Variants in TTC28 observed in about 807,000 individuals in gnomAD.
TTC28 encodes tetratricopeptide repeat protein 28.
TTC28 carries 61 observed loss-of-function variants against 198.0 expected under a neutral mutation model. The observed-to-expected ratio is 0.31, with a 90% CI of 0.25 to 0.38. TTC28 has a LOEUF of 0.38. Ranked by LOEUF, TTC28 falls within the 10% of genes least tolerant of loss-of-function variation. TTC28 has a pLI of 1.00. For missense variants in TTC28, 2,678 were observed against 3,164.0 expected (o/e 0.85, Z 3.69); for synonymous variants, 1,171 against 1,297.8 (o/e 0.90, Z 2.10).
chr22:28,574,245 C>G (rs2050109481), intron 2 of TTC28, among the ~76,000 whole-genome samples: 1 of 152,176 alleles, frequency 6.6e-6, no homozygotes, highest in South Asian at 2.1e-4. Context: ...CTCCTTGGCT[C>G]AAGTGATCCA....
intron 2 of TTC28, among the ~76,000 whole-genome samples, chr22:28,399,327 T>G (rs1243884274): frequency 1.3e-5 from 2 of 151,068 alleles, no homozygotes; most frequent in Non-Finnish European, 3.0e-5. Flanking sequence ...GTTTTTTTTT[T>G]TTTTTTTTTG....
intron 21 of TTC28, among the ~76,000 whole-genome samples, chr22:27,988,301 T>TC (rs978667679): frequency 6.6e-6 from 1 of 150,950 alleles, no homozygotes; most frequent in Non-Finnish European, 1.5e-5. Flanking sequence ...TTTTTTTTTT[T>TC]TGAGACAGAG....
chr22:28,087,563 T>C lies in TTC28; in HGVS notation c.3932+6517A>G, dbSNP rs1276423959. 5.3e-5 allele frequency among the ~76,000 whole-genome samples: 8 copies of C among 152,286 alleles called. No homozygotes were observed. The East Asian group carries it at 9.6e-4, about 18-fold the overall frequency. Reference sequence around the variant, plus strand: ...AACCCACAGCCAATATCATACTGAATGGCCAAAAACTGGAAGCATTCCCTT... The same window carrying C: ...AACCCACAGCCAATATCATACTGAACGGCCAAAAACTGGAAGCATTCCCTT... On this transcript the variant is annotated intron_variant, in intron 12 of 22. Coordinates refer to ENST00000397906, the MANE Select transcript of TTC28 (RefSeq NM_001145418.2).
chr22:28,290,942 C>T (rs1241029615), intron 5 of TTC28, among the ~76,000 whole-genome samples: 1 of 151,948 alleles, frequency 6.6e-6, no homozygotes, highest in African/African-American at 2.4e-5. Flanking sequence ...GAAAAAATAT[C>T]TCATTTCCAA....
At chr22:28,575,987 T>G (rs1286869996) in intron 2 of TTC28, among the ~76,000 whole-genome samples, 1 of 152,150 alleles carries the variant, frequency 6.6e-6, no homozygotes, top group African/African-American at 2.4e-5. Flanking sequence ...TGGATGCTTT[T>G]TATTTCTTTC....
chr22:28,556,311 A>G (rs1264463070), intron 2 of TTC28, among the ~76,000 whole-genome samples: 1 of 152,122 alleles, frequency 6.6e-6, no homozygotes, highest in Non-Finnish European at 1.5e-5. Context: ...GTGAGCCAAG[A>G]TCGCACCACT....
chr22:28,592,056 G>C (rs2050443930), intron 2 of TTC28, among the ~76,000 whole-genome samples: 1 of 152,146 alleles, frequency 6.6e-6, no homozygotes, highest in African/African-American at 2.4e-5. Context: ...CCTAGGTGGA[G>C]CAGAGGCAAG....
intron 6 of TTC28, among the ~76,000 whole-genome samples, chr22:28,116,962 T>C (rs550022342): frequency 3.9e-5 from 6 of 152,342 alleles, no homozygotes; most frequent in African/African-American, 1.4e-4. Context: ...TTGGATTACC[T>C]TTCTTGCTCA....
intron 2 of TTC28, among the ~76,000 whole-genome samples, chr22:28,470,525 A>C (rs918374742): frequency 1.3e-5 from 2 of 152,208 alleles, no homozygotes; most frequent in African/African-American, 4.8e-5. Flanking sequence ...CAGTGCCCCA[A>C]ATTTCTACCA....
intron 9 of TTC28, among the ~76,000 whole-genome samples, chr22:28,099,420 C>T (rs1035407365): frequency 2.0e-5 from 3 of 152,176 alleles, no homozygotes; most frequent in African/African-American, 7.2e-5. Context: ...GTGCCCACAG[C>T]TCGTGCCTGG....
chr22:28,028,137 C>G (rs964053984), intron 13 of TTC28, among the ~76,000 whole-genome samples: 1 of 152,286 alleles, frequency 6.6e-6, no homozygotes, highest in South Asian at 2.1e-4. Flanking sequence ...TCCAAAGGGT[C>G]GGGGTTGGAA....
chr22:28,439,399 G>A (rs552897844), intron 2 of TTC28, among the ~76,000 whole-genome samples: 5 of 152,256 alleles, frequency 3.3e-5, no homozygotes, highest in South Asian at 2.1e-4. Flanking sequence ...TAGAAGTGAC[G>A]GAGCAAAGCT....
chr22:28,433,280 T>C (rs1471721163), intron 2 of TTC28, among the ~76,000 whole-genome samples: 1 of 152,194 alleles, frequency 6.6e-6, no homozygotes, highest in East Asian at 1.9e-4. Flanking sequence ...TTTATTCTTT[T>C]GAGATGGAGA....
At chr22:28,126,522 A>G (rs1942916991) in intron 6 of TTC28, among the ~76,000 whole-genome samples, 1 of 152,238 alleles carries the variant, frequency 6.6e-6, no homozygotes, top group South Asian at 2.1e-4. Context: ...TGCTGGACTG[A>G]ATACCCACTC....
intron 2 of TTC28, among the ~76,000 whole-genome samples, chr22:28,436,295 T>A (rs1315525057): frequency 6.6e-6 from 1 of 152,220 alleles, no homozygotes; most frequent in Non-Finnish European, 1.5e-5. Context: ...AATATATTCA[T>A]CATTTATACA....
intron 2 of TTC28, among the ~76,000 whole-genome samples, chr22:28,587,923 C>T (rs897162669): frequency 3.3e-5 from 5 of 151,672 alleles, no homozygotes; most frequent in African/African-American, 9.7e-5. Flanking sequence ...GGGTGGGTCA[C>T]GAGGTCAGGA....
chr22:28,444,675 T>C (rs1230327034), intron 2 of TTC28, among the ~76,000 whole-genome samples: 1 of 152,136 alleles, frequency 6.6e-6, no homozygotes, highest in East Asian at 1.9e-4. Context: ...ACCACACAGG[T>C]AGAGCATAGT....
At chr22:28,210,491 T>A (rs1397650624) in intron 5 of TTC28, among the ~76,000 whole-genome samples, 1 of 151,990 alleles carries the variant, frequency 6.6e-6, no homozygotes, top group Non-Finnish European at 1.5e-5. Flanking sequence ...ACGTGACACA[T>A]ACACAAGCTT....
At chr22:28,555,705 G>T (rs918498574) in intron 2 of TTC28, among the ~76,000 whole-genome samples, 3 of 152,030 alleles carry the variant, frequency 2.0e-5, no homozygotes, top group African/African-American at 7.3e-5. Flanking sequence ...AAGGGTGGGG[G>T]GTGCTGAGGG....
Sources: gnomAD v4.1 joint callset for allele counts (sites outside exome capture counted in the v4.1 genomes callset) on GRCh38, gnomAD v4.1.1 for gene constraint, MANE v1.5 for transcripts, NCBI Gene and HGNC (gene_info 2026-07-23, HGNC 2026-07-21) for gene names.